Variants in ZNF595 observed in about 807,000 individuals in gnomAD.
ZNF595 encodes zinc finger protein 595.
ZNF595 carries 9 observed loss-of-function variants against 19.4 expected under a neutral mutation model. The ratio of observed to expected loss-of-function variants is 0.46; its 90% CI spans 0.28 to 0.81. The LOEUF is 0.81. Among genes scored for constraint, ZNF595 ranks in the 30% least tolerant of loss-of-function variants. The pLI is 0.11. For synonymous variants in ZNF595, 255 were observed against 255.9 expected, an observed-to-expected ratio of 1.00 and a Z score of 0.03; for missense variants, 729 against 736.0, an observed-to-expected ratio of 0.99 and a Z score of 0.11.
At position 72,211 on chromosome 4, in the gene ZNF595, T is replaced by A. The variant is rs568196849; in HGVS notation, c.226+12058T>A. On this transcript the variant is annotated intron_variant, in intron 3 of 3. Transcript: ENST00000610261. Reference sequence around the variant, plus strand: ...CAAAGAGGCATACAAATGTGAATTTTAAAAAAATCTAGTGATGTATTTCAT... The same window carrying A: ...CAAAGAGGCATACAAATGTGAATTTAAAAAAAATCTAGTGATGTATTTCAT... 3.7e-3 allele frequency among the ~76,000 whole-genome samples: 563 copies of A among 152,322 alleles called. 5 individuals carry two copies. Among genetic ancestry groups the A allele is most frequent in the African/African-American group, 0.013 (548 of 41,588 alleles).
rs1221568532 is a variant in ZNF595, at chr4:83,524, G to T, written c.227-2207G>T. 2.0e-5 allele frequency among the ~76,000 whole-genome samples: 3 copies of T among 150,556 alleles called. No homozygotes were observed. In the East Asian group the frequency reaches 5.9e-4, roughly 29 times the overall value. On this transcript the variant is annotated intron_variant, in intron 3 of 3. Coordinates refer to ENST00000610261, the MANE Select transcript of ZNF595 (RefSeq NM_182524.4). ...AGTCCCAGCTACTCAGGAGGCCAAG[G>T]TGGAAGAATGGTGTGAACCCAGGAG...
intron 3 of ZNF595, among the ~76,000 whole-genome samples, chr4:82,371 G>GTTTTTTTTTTTTTT (rs1560092266): frequency 1.0e-5 from 1 of 97,714 alleles, no homozygotes; most frequent in African/African-American, 3.7e-5. Context: ...TTTGGTTTGT[G>GTTTTTTTTTTTTTT]GTTTTTTTTT....
chr4:64,334 A>T (rs1712991670), intron 3 of ZNF595, among the ~76,000 whole-genome samples: 1 of 152,240 alleles, frequency 6.6e-6, no homozygotes. Flanking sequence ...GACTACAGAA[A>T]TGAGGCACTG....
chr4:82,745 A>G (rs1713969929), intron 3 of ZNF595, among the ~76,000 whole-genome samples: 1 of 152,092 alleles, frequency 6.6e-6, no homozygotes, highest in African/African-American at 2.4e-5. Context: ...AGTAATCTGT[A>G]AAGTTCCTAT....
rs1553802333 is a variant in ZNF595 at position 87,932 on chromosome 4, G to A, written c.*481G>A. ...AGACAGGGTTTCACAATGCTGGCCAGGCTGTTCTCGAACTCCTGAGCTCAT... is the reference window on the plus strand; with the variant it reads ...AGACAGGGTTTCACAATGCTGGCCAAGCTGTTCTCGAACTCCTGAGCTCAT... On this transcript the variant is annotated 3_prime_UTR_variant, in exon 4 of 4. Transcript: ENST00000610261. 6.6e-6 allele frequency: 1 copy of A among 152,260 alleles called. No homozygotes were observed. The highest frequency in any genetic ancestry group is 2.4e-5 in the African/African-American group (1 of 41,358). The allele number at this position is 152,260 out of a possible 1,614,324, so 9.4% of individuals were successfully genotyped here.
chr4:57,478 C>CCCATAATAATGACAGAAG, intron 1 of ZNF595, among the ~76,000 whole-genome samples: 1 of 151,248 alleles, frequency 6.6e-6, no homozygotes, highest in East Asian at 1.9e-4. Flanking sequence ...GGCATCAGCC[C>CCCATAATAATGACAGAAG]AGGGTCACTG....
chr4:85,457 G>T (rs138333214), intron 3 of ZNF595, among the ~76,000 whole-genome samples: 4,020 of 152,228 alleles, frequency 0.026, 97 homozygotes, highest in African/African-American at 0.068. Context: ...AAGCTGTGGT[G>T]GGTAAATATA....
chr4:82,615 C>T (rs575080537), intron 3 of ZNF595, among the ~76,000 whole-genome samples: 1 of 152,048 alleles, frequency 6.6e-6, no homozygotes, highest in South Asian at 2.1e-4. Context: ...AACTAATGAC[C>T]TCAAGTGATC....
rs782184931 is a variant in ZNF595 at position 85,881 on chromosome 4, A to G, written c.377A>G (p.Gln126Arg). The G allele has an allele frequency of 8.1e-6, 13 of 1,614,002 alleles. No homozygotes were observed. In the South Asian group the frequency reaches 1.4e-4, roughly 18 times the overall value. The change falls in exon 4 of 4, where the codon CAG becomes CGG. Residue 126 changes from glutamine (Q) to arginine (R), a missense_variant. Physicochemically the swap from Gln to Arg is conservative, Grantham distance 43. This residue lies in a region of ZNF595 where 729 missense variants were observed against 675.3 expected (regional missense o/e 1.08). Coordinates refer to ENST00000610261, the MANE Select transcript of ZNF595 (RefSeq NM_182524.4). ...GCKRVNECKV[Q>R]KGVNNGVYQC... ...AAACGTGTGAATGAGTGTAAGGTGC[A>G]GAAAGGAGTTAATAATGGAGTTTAC... is the stretch of plus-strand genomic sequence containing the variant.
At chr4:78,854 C>T (rs550941320) in intron 3 of ZNF595, among the ~76,000 whole-genome samples, 9 of 152,192 alleles carry the variant, frequency 5.9e-5, no homozygotes, top group South Asian at 4.1e-4. Flanking sequence ...CCACCATGCC[C>T]GGCTAATTTT....
At chr4:78,285 G>A (rs1427600669) in intron 3 of ZNF595, among the ~76,000 whole-genome samples, 1 of 152,194 alleles carries the variant, frequency 6.6e-6, no homozygotes, top group Non-Finnish European at 1.5e-5. Context: ...TCAGATTACA[G>A]GCGTGAGCCA....
At chr4:78,531 C>T (rs1415796675) in intron 3 of ZNF595, among the ~76,000 whole-genome samples, 1 of 152,078 alleles carries the variant, frequency 6.6e-6, no homozygotes, top group African/African-American at 2.4e-5. Context: ...CTTGAGTGGT[C>T]ACCAGTGTTT....
chr4:82,843 T>C (rs1236612739), intron 3 of ZNF595, among the ~76,000 whole-genome samples: 6 of 152,198 alleles, frequency 3.9e-5, no homozygotes, highest in African/African-American at 1.4e-4. Context: ...GGGTATGTAT[T>C]CTGCTTTTGT....
intron 3 of ZNF595, among the ~76,000 whole-genome samples, chr4:82,390 T>G (rs1413729905): frequency 6.9e-5 from 8 of 115,774 alleles, no homozygotes; most frequent in South Asian, 5.6e-4. Flanking sequence ...TTTTTTTTTT[T>G]TTTTTTTTTT....
At chr4:66,830 T>A (rs1289833933) in intron 3 of ZNF595, among the ~76,000 whole-genome samples, 3 of 152,300 alleles carry the variant, frequency 2.0e-5, no homozygotes, top group African/African-American at 7.2e-5. Context: ...ACTGTTTTTA[T>A]TTAGCTTTGT....
intron 1 of ZNF595, among the ~76,000 whole-genome samples, chr4:55,098 C>T (rs1712570701): frequency 6.6e-6 from 1 of 152,016 alleles, no homozygotes; most frequent in Non-Finnish European, 1.5e-5. Flanking sequence ...CCGTGTTAGC[C>T]AGGATGGTCT....
Position 87,252 on chromosome 4 carries a change from A to G in ZNF595, c.1748A>G (p.Lys583Arg). Residue 583 changes from lysine (K) to arginine (R), a missense_variant, in exon 4 of 4, where the codon AAG (lysine) becomes AGG (arginine). By Grantham distance (26) the Lys-to-Arg change is conservative (BLOSUM62 2). Coordinates refer to ENST00000610261, the MANE Select transcript of ZNF595 (RefSeq NM_182524.4). ...YNLSSTLTKH[K>R]RIHTGEKPFT... Reference sequence around the variant, plus strand: ...TTATCCTCAACCCTTACTAAACATAAGAGAATTCATACTGGAGAGAAACCC... The same window carrying G: ...TTATCCTCAACCCTTACTAAACATAGGAGAATTCATACTGGAGAGAAACCC... The G allele has an allele frequency of 6.3e-7, 1 of 1,594,814 alleles. No homozygotes were observed.
chr4:82,378 T>G (rs1489554963), intron 3 of ZNF595, among the ~76,000 whole-genome samples: 11 of 103,546 alleles, frequency 1.1e-4, no homozygotes, highest in African/African-American at 4.6e-4. Flanking sequence ...TGTGGTTTTT[T>G]TTTTTTTTTT....
intron 3 of ZNF595, among the ~76,000 whole-genome samples, chr4:61,157 CTTTTTT>C (rs1212049874): frequency 6.8e-6 from 1 of 147,924 alleles, no homozygotes; most frequent in Non-Finnish European, 1.5e-5. Flanking sequence ...TTCTTTTTTT[CTTTTTT>C]TTTTTTTTGA....
Sources: gnomAD v4.1 joint callset for allele counts (sites outside exome capture counted in the v4.1 genomes callset) on GRCh38, gnomAD v4.1.1 for gene constraint, gnomAD v4.1.1 regional missense constraint, MANE v1.5 for transcripts, NCBI Gene and HGNC (gene_info 2026-07-23, HGNC 2026-07-21) for gene names.